Variants in SEPTIN9 observed in about 807,000 individuals in gnomAD.
SEPTIN9 encodes septin-9.
Under a neutral mutation model 56.6 loss-of-function variants are expected in SEPTIN9, and 13 were observed. The observed-to-expected ratio is 0.23, with a 90% CI of 0.15 to 0.37. The LOEUF (loss-of-function observed/expected upper bound fraction) is 0.37. Among genes scored for constraint, SEPTIN9 ranks in the 10% least tolerant of loss-of-function variants. The pLI, the probability that SEPTIN9 is intolerant of heterozygous loss-of-function variation, is 1.00. For missense variants in SEPTIN9, 650 were observed against 823.1 expected (o/e 0.79, Z 2.57); for synonymous variants, 332 against 334.1 (o/e 0.99, Z 0.07).
chr17:77,303,688 G>GTAATAATAATAA (rs113943617), intron 1 of SEPTIN9, among the ~76,000 whole-genome samples: 3 of 150,756 alleles, frequency 2.0e-5, no homozygotes, highest in African/African-American at 7.3e-5. Context: ...CTCAAAAGTA[G>GTAATAATAATAA]TAATAATAAT....
chr17:77,465,656 G>A (rs1230674419), intron 3 of SEPTIN9, among the ~76,000 whole-genome samples: 1 of 152,174 alleles, frequency 6.6e-6, no homozygotes, highest in Non-Finnish European at 1.5e-5. Flanking sequence ...TGACCCCGGG[G>A]GCCTGCAGCT....
chr17:77,387,861 C>G (rs1453531807), intron 2 of SEPTIN9, among the ~76,000 whole-genome samples: 2 of 152,026 alleles, frequency 1.3e-5, no homozygotes, highest in Non-Finnish European at 2.9e-5. Flanking sequence ...GGGAAGGTGC[C>G]TGATCTAGCC....
At chr17:77,396,208 C>T (rs1478636219) in intron 2 of SEPTIN9, among the ~76,000 whole-genome samples, 6 of 152,158 alleles carry the variant, frequency 3.9e-5, no homozygotes, top group African/African-American at 1.4e-4. Flanking sequence ...GACCTGGCTC[C>T]GCATCTTTCT....
chr17:77,429,405 C>G lies in SEPTIN9; in HGVS notation c.721+26702C>G, dbSNP rs2037043946. ...GGGACATCACCGTCCGCCTGGGCTA[C>G]AGCGTGCTCGCCGATTGCATTTGGG... On this transcript the variant is annotated intron_variant, in intron 3 of 11. Transcript: ENST00000427177. The surrounding 1 kb of genome is among the most constrained non-coding windows in gnomAD (Gnocchi z 5.2). 3 of 409,288 alleles carry G rather than the reference C, an allele frequency of 7.3e-6. No individual in the cohort carries two copies. The highest frequency in any genetic ancestry group is 5.4e-5 in the South Asian group (3 of 55,252). 25.4% of individuals were successfully genotyped at this position (409,288 alleles called of 1,614,324 possible).
intron 1 of SEPTIN9, among the ~76,000 whole-genome samples, chr17:77,286,927 G>A (rs372164768): frequency 2.9e-4 from 44 of 152,308 alleles, no homozygotes; most frequent in Middle Eastern, 3.4e-3. Context: ...GGGTTCCTGC[G>A]CCTCTGTTTG....
intron 11 of SEPTIN9, among the ~76,000 whole-genome samples, chr17:77,498,039 G>A (rs552339707): frequency 5.3e-5 from 8 of 152,118 alleles, no homozygotes; most frequent in East Asian, 1.9e-4. Flanking sequence ...ATGAAAATCC[G>A]AGCCCAGGAC....
chr17:77,365,584 A>G (rs1163577572), intron 2 of SEPTIN9, among the ~76,000 whole-genome samples: 1 of 152,090 alleles, frequency 6.6e-6, no homozygotes, highest in African/African-American at 2.4e-5. Flanking sequence ...TTGAGGAAGG[A>G]TCTCCCTGGG....
intron 3 of SEPTIN9, among the ~76,000 whole-genome samples, chr17:77,471,502 C>T (rs1415260150): frequency 2.0e-5 from 3 of 152,240 alleles, no homozygotes; most frequent in Admixed American, 1.3e-4. Flanking sequence ...TTGGGGGAGG[C>T]GGAGCCCCAG....
intron 3 of SEPTIN9, among the ~76,000 whole-genome samples, chr17:77,409,741 T>C (rs2036223479): frequency 6.6e-6 from 1 of 152,146 alleles, no homozygotes; most frequent in South Asian, 2.1e-4. Flanking sequence ...GCTGCCGGGA[T>C]TGAGGGTCTG....
intron 3 of SEPTIN9, among the ~76,000 whole-genome samples, chr17:77,439,997 C>T (rs915924330): frequency 6.6e-6 from 1 of 152,158 alleles, no homozygotes; most frequent in East Asian, 1.9e-4. Flanking sequence ...CACCCCAGGT[C>T]CCCTGATGCT....
At chr17:77,353,015 ATAACCCAAT>A (rs932454037) in intron 2 of SEPTIN9, among the ~76,000 whole-genome samples, 2 of 152,212 alleles carry the variant, frequency 1.3e-5, no homozygotes, top group Non-Finnish European at 2.9e-5. Context: ...ATGCCCTCAA[ATAACCCAAT>A]TACATCTTCA....
chr17:77,334,716 G>A (rs1342751030), intron 2 of SEPTIN9, among the ~76,000 whole-genome samples: 1 of 152,014 alleles, frequency 6.6e-6, no homozygotes, highest in African/African-American at 2.4e-5. Context: ...TATATTCTAT[G>A]ATTCCTTTTA....
rs757315583 is a variant in SEPTIN9, at chr17:77,433,377, G to A, written c.721+30674G>A. ...CAGAAAGGGGGTTCGCTAGGTCAGG[G>A]TGGGGCTGGGTGCGAGGACCCCCCC... On this transcript the variant is annotated intron_variant, in intron 3 of 11. Coordinates refer to ENST00000427177, the MANE Select transcript of SEPTIN9 (RefSeq NM_001113491.2). This position sits in a 1 kb window ranked among gnomAD's most constrained non-coding sequence, Gnocchi z 6.4. Among the ~76,000 whole-genome samples the A allele has an allele frequency of 6.6e-5, 10 of 150,856 alleles. No individual in the cohort carries two copies. Among genetic ancestry groups the A allele is most frequent in the Non-Finnish European group, 1.3e-4 (9 of 68,028 alleles).
intron 2 of SEPTIN9, among the ~76,000 whole-genome samples, chr17:77,348,684 C>T (rs1176816833): frequency 4.6e-5 from 7 of 152,128 alleles, no homozygotes; most frequent in Non-Finnish European, 8.8e-5. Context: ...TAGCTTTTCA[C>T]AGTCTACTTA....
chr17:77,470,473 C>CCCACCCATCCACTCAT (rs1217473707), intron 3 of SEPTIN9, among the ~76,000 whole-genome samples: 2 of 149,814 alleles, frequency 1.3e-5, no homozygotes. Flanking sequence ...CATCCACTCA[C>CCCACCCATCCACTCAT]CCACCCATCC....
intron 3 of SEPTIN9, among the ~76,000 whole-genome samples, chr17:77,432,887 G>A (rs888025713): frequency 7.9e-5 from 12 of 152,216 alleles, no homozygotes; most frequent in Non-Finnish European, 1.6e-4. Flanking sequence ...TCTCATGAGC[G>A]AGGCCCCCTG....
At chr17:77,364,397 A>C (rs1204346008) in intron 2 of SEPTIN9, among the ~76,000 whole-genome samples, 2 of 152,208 alleles carry the variant, frequency 1.3e-5, no homozygotes, top group Non-Finnish European at 2.9e-5. Context: ...CCTTCTGTCG[A>C]TTCATGGCAG....
intron 2 of SEPTIN9, among the ~76,000 whole-genome samples, chr17:77,348,489 G>A (rs898959550): frequency 6.6e-6 from 1 of 151,792 alleles, no homozygotes; most frequent in Non-Finnish European, 1.5e-5. Flanking sequence ...TAGTAAAGAC[G>A]GGGTTTCACC....
At position 77,323,951 on chromosome 17, in the gene SEPTIN9, C is replaced by T. The variant is rs773239084; in HGVS notation, c.76+16754C>T. ...GCTCAAAACACCAGACATTTCTTCT[C>T]TCGCCGTTCTGGAGGCCAGAAGTCC... On this transcript the variant is annotated intron_variant, in intron 2 of 11. Transcript: ENST00000427177. The surrounding 1 kb of genome is among the most constrained non-coding windows in gnomAD (Gnocchi z 6.8). 33 of 152,404 alleles carry T rather than the reference C, an allele frequency of 2.2e-4. No individual in the cohort carries two copies. The highest frequency in any genetic ancestry group is 3.5e-4 in the Non-Finnish European group (24 of 68,062). The allele number at this position is 152,404 out of a possible 1,614,324, so 9.4% of individuals were successfully genotyped here.
Sources: allele counts gnomAD v4.1 joint callset (sites outside exome capture counted in the v4.1 genomes callset), GRCh38; gene constraint gnomAD v4.1.1; non-coding constraint Gnocchi (gnomAD v3.1); transcripts MANE v1.5; gene names NCBI Gene and HGNC (gene_info 2026-07-23, HGNC 2026-07-21).